The following CSNK2A2IP variants were observed in gnomAD, a reference collection of about 807,000 sequenced individuals.
CSNK2A2IP encodes casein kinase 2 subunit alpha' interacting protein, also known as casein kinase II subunit alpha'-interacting protein.
At chr3:88,446,765 C>T in the CSNK2A2IP span, among the ~76,000 whole-genome samples, 4 of 152,132 alleles carry the variant, frequency 2.6e-5, no homozygotes, top group South Asian at 2.1e-4. Flanking sequence ...TACACACATT[C>T]GCACACATAC....
At chr3:88,367,616 G>A in the CSNK2A2IP span, among the ~76,000 whole-genome samples, 1 of 152,044 alleles carries the variant, frequency 6.6e-6, no homozygotes, top group African/African-American at 2.4e-5. Flanking sequence ...TAACTTTGTT[G>A]AAGACAGTGC....
chr3:88,392,117 G>C, the CSNK2A2IP span, among the ~76,000 whole-genome samples: 1 of 152,316 alleles, frequency 6.6e-6, no homozygotes, highest in Admixed American at 6.5e-5. Flanking sequence ...ACATGCCCCA[G>C]ATTTCTGGAT....
chr3:88,454,620 T>C, the CSNK2A2IP span, among the ~76,000 whole-genome samples: 1 of 151,940 alleles, frequency 6.6e-6, no homozygotes, highest in Non-Finnish European at 1.5e-5. Flanking sequence ...ATCACATTTC[T>C]TTTTTATACA....
At chr3:88,347,375 C>A in the CSNK2A2IP span, among the ~76,000 whole-genome samples, 1 of 152,116 alleles carries the variant, frequency 6.6e-6, no homozygotes, top group Admixed American at 6.6e-5. Flanking sequence ...ACAGAGAAGT[C>A]TTTCATGAAA....
the CSNK2A2IP span, among the ~76,000 whole-genome samples, chr3:88,350,829 T>G: frequency 6.6e-6 from 1 of 152,122 alleles, no homozygotes; most frequent in African/African-American, 2.4e-5. Flanking sequence ...CTACAGAGGG[T>G]TGCTGCTGCT....
the CSNK2A2IP span, among the ~76,000 whole-genome samples, chr3:88,357,578 C>T: frequency 2.6e-5 from 4 of 152,062 alleles, no homozygotes; most frequent in African/African-American, 9.7e-5. Context: ...TGAGGTTCCA[C>T]ATAAATTTTA....
chr3:88,458,219 T>A, the CSNK2A2IP span, among the ~76,000 whole-genome samples: 1 of 146,166 alleles, frequency 6.8e-6, no homozygotes, highest in South Asian at 2.3e-4. Context: ...GGCTTGATCT[T>A]GGCTCACTGC....
the CSNK2A2IP span, among the ~76,000 whole-genome samples, chr3:88,354,365 G>A: frequency 6.6e-6 from 1 of 152,158 alleles, no homozygotes; most frequent in Non-Finnish European, 1.5e-5. Context: ...CTCAATAAGA[G>A]GTAGTTGCCA....
At chr3:88,447,623 T>C in the CSNK2A2IP span, among the ~76,000 whole-genome samples, 1 of 152,082 alleles carries the variant, frequency 6.6e-6, no homozygotes, top group African/African-American at 2.4e-5. Context: ...TTTCATTCAA[T>C]AAAGAAAAAC....
chr3:88,417,151 T>C, the CSNK2A2IP span, among the ~76,000 whole-genome samples: 4 of 152,262 alleles, frequency 2.6e-5, no homozygotes, highest in African/African-American at 9.6e-5. Context: ...TATACTGCGT[T>C]GATAGACACA....
At chr3:88,347,935 G>A in the CSNK2A2IP span, among the ~76,000 whole-genome samples, 35 of 151,798 alleles carry the variant, frequency 2.3e-4, no homozygotes, top group East Asian at 6.4e-3. Context: ...TTAGTATTTT[G>A]TTCCTCTTTT....
the CSNK2A2IP span, among the ~76,000 whole-genome samples, chr3:88,374,856 A>G: frequency 1.3e-5 from 2 of 151,720 alleles, no homozygotes; most frequent in Non-Finnish European, 3.0e-5. Flanking sequence ...ATTCAAATAT[A>G]TTCCAACTAT....
At chr3:88,427,788 C>T in the CSNK2A2IP span, among the ~76,000 whole-genome samples, 2 of 152,124 alleles carry the variant, frequency 1.3e-5, no homozygotes, top group African/African-American at 4.8e-5. Flanking sequence ...CCTGTATGTC[C>T]AGGCAGAAGT....
At chr3:88,416,269 A>G in the CSNK2A2IP span, among the ~76,000 whole-genome samples, 1 of 145,930 alleles carries the variant, frequency 6.9e-6, no homozygotes, top group African/African-American at 2.6e-5. Context: ...GAGACTCCCT[A>G]TTAAAAAAAA....
chr3:88,463,100 G>A, the CSNK2A2IP span, among the ~76,000 whole-genome samples: 1 of 152,194 alleles, frequency 6.6e-6, no homozygotes, highest in East Asian at 1.9e-4. Context: ...AATTAATTGG[G>A]TAAGTTGGCA....
chr3:88,464,387 G>T, the CSNK2A2IP span, among the ~76,000 whole-genome samples: 1 of 151,276 alleles, frequency 6.6e-6, no homozygotes, highest in Non-Finnish European at 1.5e-5. Context: ...GATTACTTAG[G>T]AATAAACTGA....
At chr3:88,396,330 C>G in the CSNK2A2IP span, among the ~76,000 whole-genome samples, 1 of 152,026 alleles carries the variant, frequency 6.6e-6, no homozygotes, top group African/African-American at 2.4e-5. Context: ...TGGTCTCGAT[C>G]TCCTGACCTC....
At chr3:88,357,585 T>G in the CSNK2A2IP span, among the ~76,000 whole-genome samples, 1 of 152,170 alleles carries the variant, frequency 6.6e-6, no homozygotes, top group East Asian at 1.9e-4. Context: ...CCACATAAAT[T>G]TTAGGATTAT....
chr3:88,423,088 C>T, the CSNK2A2IP span, among the ~76,000 whole-genome samples: 1 of 152,236 alleles, frequency 6.6e-6, no homozygotes, highest in East Asian at 1.9e-4. Context: ...CTCAACTTAC[C>T]GTGTCACAGT....
Sources: allele counts gnomAD v4.1 joint callset (sites outside exome capture counted in the v4.1 genomes callset), GRCh38; gene constraint gnomAD v4.1.1; transcripts MANE v1.5; gene names NCBI Gene and HGNC (gene_info 2026-07-23, HGNC 2026-07-21).